The following HTR7 variants were observed in gnomAD, a reference collection of about 807,000 sequenced individuals.
HTR7 encodes 5-HT-7.
Under a neutral mutation model 34.0 loss-of-function variants are expected in HTR7, and 16 were observed. That is an observed-to-expected ratio of 0.47 (90% CI 0.32 to 0.71). The LOEUF is 0.71. HTR7 is among the 30% of genes least tolerant of loss of function. The pLI is 0.04. For missense variants in HTR7, 504 were observed against 625.5 expected (o/e 0.81, Z 2.07); for synonymous variants, 265 against 260.2 (o/e 1.02, Z -0.18).
In HTR7 at chr10:90,857,606, T is replaced by C. The variant is rs1299488410; in HGVS notation, c.66A>G (p.Pro22=). ...LYGHLRSFLL[P]EVGRGLPDLS... ...AGTCGGGCAGCCCGCGCCCCACTTC[T>C]GGCAGAAGGAAAGAGCGGAGGTGCC... Residue 22 remains proline (P), a synonymous_variant, in exon 1 of 4, where the codon CCA becomes CCG. Coordinates refer to ENST00000336152, the MANE Select transcript of HTR7 (RefSeq NM_019859.4). This position sits in a 1 kb window ranked among gnomAD's most constrained non-coding sequence, Gnocchi z 6.5. The C allele has an allele frequency of 5.6e-6, 9 of 1,599,770 alleles. No homozygotes were observed. The highest frequency in any genetic ancestry group is 7.7e-6 in the Non-Finnish European group (9 of 1,175,366).
In HTR7 at chr10:90,782,267, C is replaced by G. The variant is rs1845317116; in HGVS notation, c.540-32673G>C. On this transcript the variant is annotated intron_variant, in intron 1 of 3. Transcript: ENST00000336152. ...AGGCAACAACATTCAGAAATGTGTG[C>G]TCAGAAGGCTTAATCTTGAGCAAAC... is the stretch of plus-strand genomic sequence containing the variant. 1.3e-5 allele frequency among the ~76,000 whole-genome samples: 2 copies of G among 152,146 alleles called. 1 individual carries two copies. Among genetic ancestry groups the G allele is most frequent in the South Asian group, 4.1e-4 (2 of 4,828 alleles).
chr10:90,781,323 TAAAGCTGAATTATGA>T (rs1384804951), intron 1 of HTR7, among the ~76,000 whole-genome samples: 1 of 152,238 alleles, frequency 6.6e-6, no homozygotes, highest in African/African-American at 2.4e-5. Context: ...CTATCAATTT[TAAAGCTGAATTATGA>T]GAATAAGGAA....
rs924489972 is a variant in HTR7, at chr10:90,854,908, A to AT, written c.539+2224dup. Among the ~76,000 whole-genome samples the AT allele has an allele frequency of 3.2e-4, 48 of 150,742 alleles. No homozygotes were observed. The East Asian group carries it at 7.9e-3, about 25-fold the overall frequency. On this transcript the variant is annotated intron_variant, in intron 1 of 3. Transcript: ENST00000336152. ...AGAGGGAATGAACAAGGGAATGAAGATTTTTTTTTTACATATTTTCACAGC... is the reference window on the plus strand; with the variant it reads ...AGAGGGAATGAACAAGGGAATGAAGATTTTTTTTTTTACATATTTTCACAGC...
rs1844530073 is a variant in HTR7 at position 90,740,879 on chromosome 10, T to C, written c.*1603A>G. ...AGCTACAAATAAACTTTATTTGATG[T>C]AATGTAATAAAACATTTTCAAGTTT... On this transcript the variant is annotated 3_prime_UTR_variant, in exon 4 of 4. Coordinates refer to ENST00000336152, the MANE Select transcript of HTR7 (RefSeq NM_019859.4). The C allele has an allele frequency of 6.5e-6, 1 of 152,698 alleles. No homozygotes were observed. Among genetic ancestry groups the C allele is most frequent in the Middle Eastern group, 3.4e-3 (1 of 294 alleles). The allele number at this position is 152,698 out of a possible 1,614,324, so 9.5% of individuals were successfully genotyped here. A position where few individuals can be genotyped will look rare whatever the true frequency, so the allele number is the denominator to read the frequency against.
chr10:90,846,492 G>A (rs1163905259), intron 1 of HTR7, among the ~76,000 whole-genome samples: 1 of 152,166 alleles, frequency 6.6e-6, no homozygotes, highest in Non-Finnish European at 1.5e-5. Flanking sequence ...CAATTCTGTG[G>A]AGTTGACAGT....
chr10:90,807,065 C>T (rs1307610142), intron 1 of HTR7, among the ~76,000 whole-genome samples: 2 of 152,202 alleles, frequency 1.3e-5, no homozygotes, highest in African/African-American at 4.8e-5. Flanking sequence ...AAAACCTTTA[C>T]TAAAACGGAT....
chr10:90,837,296 A>G (rs972384447), intron 1 of HTR7, among the ~76,000 whole-genome samples: 2 of 152,212 alleles, frequency 1.3e-5, no homozygotes, highest in Admixed American at 6.5e-5. Flanking sequence ...AGTATTAGGA[A>G]GTTGAAGTGA....
intron 1 of HTR7, among the ~76,000 whole-genome samples, chr10:90,806,947 G>A (rs997861667): frequency 6.6e-6 from 1 of 152,174 alleles, no homozygotes; most frequent in Non-Finnish European, 1.5e-5. Context: ...TGATTACCAA[G>A]AAGGTAGCTA....
chr10:90,826,971 A>G (rs73315609), intron 1 of HTR7, among the ~76,000 whole-genome samples: 24,419 of 151,594 alleles, frequency 0.16, 1,970 homozygotes, highest in African/African-American at 0.17. Flanking sequence ...TAAAATAAAT[A>G]AATGAATAAA....
intron 1 of HTR7, among the ~76,000 whole-genome samples, chr10:90,773,884 GT>G (rs2119822059): frequency 6.6e-6 from 1 of 152,142 alleles, no homozygotes; most frequent in Non-Finnish European, 1.5e-5. Context: ...CCAAATCTTG[GT>G]TATTGTGAAT....
At chr10:90,844,992 C>A (rs1846391918) in intron 1 of HTR7, among the ~76,000 whole-genome samples, 1 of 152,030 alleles carries the variant, frequency 6.6e-6, no homozygotes, top group African/African-American at 2.4e-5. Context: ...CAGAGACCCC[C>A]AAGAGGCTAC....
chr10:90,809,478 A>G (rs1003934051), intron 1 of HTR7, among the ~76,000 whole-genome samples: 1 of 152,212 alleles, frequency 6.6e-6, no homozygotes, highest in African/African-American at 2.4e-5. Flanking sequence ...TCTGCTCCCA[A>G]CATTAAATAA....
intron 3 of HTR7, 70 bp downstream of exon 3, chr10:90,743,523 C>T: frequency 8.1e-7 from 1 of 1,237,252 alleles, no homozygotes; most frequent in Non-Finnish European, 1.2e-6. Flanking sequence ...GCTCTGCTCA[C>T]ATAGTTCATG....
At position 90,816,158 on chromosome 10, in the gene HTR7, T is replaced by C. The variant is rs549736792; in HGVS notation, c.539+40975A>G. On this transcript the variant is annotated intron_variant, in intron 1 of 3. Transcript: ENST00000336152. Reference sequence around the variant, plus strand: ...TGCGAGGAGCTCCTGGATTTTACATTACCCAATAAATAGCTCTCACCTGAC... The same window carrying C: ...TGCGAGGAGCTCCTGGATTTTACATCACCCAATAAATAGCTCTCACCTGAC... 6.6e-5 allele frequency among the ~76,000 whole-genome samples: 10 copies of C among 152,356 alleles called. No homozygotes were observed. In the East Asian group the frequency reaches 1.2e-3, roughly 18 times the overall value.
intron 1 of HTR7, among the ~76,000 whole-genome samples, chr10:90,820,669 T>C (rs961019686): frequency 3.3e-5 from 5 of 152,206 alleles, no homozygotes; most frequent in African/African-American, 9.7e-5. Context: ...GAAAGGACAA[T>C]TGTAACATCC....
intron 1 of HTR7, among the ~76,000 whole-genome samples, chr10:90,755,982 T>C (rs764772533): frequency 3.3e-5 from 5 of 152,220 alleles, no homozygotes; most frequent in Non-Finnish European, 7.3e-5. Flanking sequence ...AACTCTATAA[T>C]AGTAGAATAA....
intron 2 of HTR7, 144 bp from the exon 3 acceptor site, chr10:90,743,834 C>G (rs753705379): frequency 2.7e-6 from 2 of 749,826 alleles, no homozygotes; most frequent in South Asian, 3.0e-5. Context: ...AAATTGATAG[C>G]AGTAAATTAA....
intron 1 of HTR7, among the ~76,000 whole-genome samples, chr10:90,807,764 G>A (rs1845726990): frequency 6.6e-6 from 1 of 152,118 alleles, no homozygotes; most frequent in African/African-American, 2.4e-5. Flanking sequence ...TCAGATCGGG[G>A]GACCTCCCTT....
chr10:90,767,645 G>A (rs1750473613), intron 1 of HTR7, among the ~76,000 whole-genome samples: 1 of 152,092 alleles, frequency 6.6e-6, no homozygotes, highest in Non-Finnish European at 1.5e-5. Context: ...TGTGACTTCT[G>A]AGGCTGACCC....
Sources: gnomAD v4.1 joint callset for allele counts (sites outside exome capture counted in the v4.1 genomes callset) on GRCh38, gnomAD v4.1.1 for gene constraint, Gnocchi (gnomAD v3.1) non-coding constraint, MANE v1.5 for transcripts, NCBI Gene and HGNC (gene_info 2026-07-23, HGNC 2026-07-21) for gene names.